PCNX2: variants seen among roughly 807,000 people sequenced by gnomAD.
The protein encoded by PCNX2 is pecanex-like protein 2.
In PCNX2, 168 loss-of-function variants were observed where a neutral mutation model predicts 223.8. The observed-to-expected ratio is 0.75, with a 90% confidence interval of 0.66 to 0.85. The LOEUF (loss-of-function observed/expected upper bound fraction) is 0.85, where lower values mean the gene tolerates loss of function less well. Ranked by LOEUF, PCNX2 falls within the 40% of genes least tolerant of loss-of-function variation. The pLI, the probability that PCNX2 is intolerant of heterozygous loss-of-function variation, is 0.00. For synonymous variants in PCNX2, 1,006 were observed against 1,052.6 expected (o/e 0.96, Z 0.86); for missense variants, 2,507 against 2,675.5 (o/e 0.94, Z 1.39).
rs1272090119 is a variant in PCNX2 at position 232,984,551 on chromosome 1, C to G, written c.6241-74G>C. ...ACCCACTTCTAACTGGCATCACCCCCATCCGTGCTGTGGGAGCTAAAGGCT... is the reference window on the plus strand; with the variant it reads ...ACCCACTTCTAACTGGCATCACCCCGATCCGTGCTGTGGGAGCTAAAGGCT... On this transcript the variant is annotated intron_variant, in intron 33 of 33. Transcript: ENST00000258229. 4.0e-6 allele frequency: 6 copies of G among 1,509,096 alleles called. No homozygotes were observed. The African/African-American group carries it at 4.2e-5, about 10-fold the overall frequency. 93.5% of individuals were successfully genotyped at this position (1,509,096 alleles called of 1,614,324 possible).
intron 21 of PCNX2, among the ~76,000 whole-genome samples, chr1:233,130,151 A>T (rs928614646): frequency 6.6e-6 from 1 of 152,144 alleles, no homozygotes; most frequent in African/African-American, 2.4e-5. Flanking sequence ...ACCCACCAGA[A>T]GGAAGAAACT....
chr1:233,132,027 C>G (rs1676534749), intron 21 of PCNX2, among the ~76,000 whole-genome samples: 1 of 151,746 alleles, frequency 6.6e-6, no homozygotes, highest in Non-Finnish European at 1.5e-5. Flanking sequence ...ACCTCTTCCT[C>G]CCAGGTTCAA....
chr1:233,106,297 T>A (rs955624710), intron 21 of PCNX2, among the ~76,000 whole-genome samples: 2 of 151,780 alleles, frequency 1.3e-5, no homozygotes, highest in African/African-American at 4.8e-5. Context: ...CTCTTCCTTG[T>A]GGAGAAGAAG....
intron 21 of PCNX2, among the ~76,000 whole-genome samples, chr1:233,134,087 C>T (rs1374616655): frequency 6.6e-6 from 1 of 152,038 alleles, no homozygotes; most frequent in Non-Finnish European, 1.5e-5. Context: ...TTTAGAAAGA[C>T]TTACAATTAA....
At chr1:233,291,053 C>G (rs1435738063) in intron 1 of PCNX2, 1 of 985,368 alleles carries the variant, frequency 1.0e-6, no homozygotes, top group South Asian at 4.7e-5. Context: ...GGTGGCTCCA[C>G]GGTTTCACAG....
At position 233,262,118 on chromosome 1, in the gene PCNX2, T is replaced by G. The variant is rs772542159; in HGVS notation, c.407A>C (p.Asn136Thr). 3 of 1,613,762 alleles carry G rather than the reference T, an allele frequency of 1.9e-6. No individual in the cohort carries two copies. The highest frequency in any genetic ancestry group is 2.5e-6 in the Non-Finnish European group (3 of 1,179,772). ...HNGKKEEASR[N>T]LSTPPLRCSS... ...GCAGCGGAGGGGAGGCGTGGAGAGG[T>G]TTCGACTGGCCTCTTCCTTTTTGCC... is the stretch of plus-strand genomic sequence containing the variant. The change falls in exon 3 of 34, where the codon AAC (asparagine) becomes ACC (threonine). Residue 136 changes from asparagine (N) to threonine (T), a missense_variant. By Grantham distance (65) the Asn-to-Thr change is moderately conservative. This residue lies in a region of PCNX2 where 1,031 missense variants were observed against 1,021.7 expected (regional missense o/e 1.01). Coordinates refer to ENST00000258229, the MANE Select transcript of PCNX2 (RefSeq NM_014801.4).
intron 26 of PCNX2, chr1:233,019,228 A>C (rs1338136283): frequency 1.0e-6 from 1 of 983,558 alleles, no homozygotes; most frequent in East Asian, 1.1e-4. Context: ...TTCATGGCTG[A>C]TGCTCTCCCT....
rs148547687 is a variant in PCNX2 at position 233,026,210 on chromosome 1, G to A, written c.4352-811C>T. 4.1e-3 allele frequency among the ~76,000 whole-genome samples: 631 copies of A among 152,310 alleles called. 4 individuals carry two copies. The Middle Eastern group carries it at 0.044, about 11-fold the overall frequency. ...ATGTCTGAGTAGAGACCTGAAGGAGGTCGGGGGGAACTCAGCGCAGATAAC... is the reference window on the plus strand; with the variant it reads ...ATGTCTGAGTAGAGACCTGAAGGAGATCGGGGGGAACTCAGCGCAGATAAC... On this transcript the variant is annotated intron_variant, in intron 25 of 33. Coordinates refer to ENST00000258229, the MANE Select transcript of PCNX2 (RefSeq NM_014801.4).
chr1:233,019,072 G>T, intron 26 of PCNX2: 1 of 985,334 alleles, frequency 1.0e-6, no homozygotes, highest in Non-Finnish European at 1.2e-6. Context: ...GTTTACTTGG[G>T]TATCTGGTTT....
At chr1:232,985,859 C>T in intron 33 of PCNX2, 1 of 614,144 alleles carries the variant, frequency 1.6e-6, no homozygotes, top group South Asian at 1.9e-5. Flanking sequence ...CCTTTCAGTG[C>T]CTGCCTGGGC....
In PCNX2 at chr1:233,055,016, T is replaced by G. The variant is rs147101610; in HGVS notation, c.4136-533A>C. ...ATATGAGTGTGTTCTGTTTCACCTT[T>G]GAGTAGTATCCCTCTGTATGCATGT... On this transcript the variant is annotated intron_variant, in intron 24 of 33. Coordinates refer to ENST00000258229, the MANE Select transcript of PCNX2 (RefSeq NM_014801.4). Among the ~76,000 whole-genome samples, 291 of 152,326 alleles carry G rather than the reference T, an allele frequency of 1.9e-3. 2 individuals are homozygous for G. The highest frequency in any genetic ancestry group is 6.5e-3 in the African/African-American group (271 of 41,570).
At chr1:233,039,122 A>G (rs1376504208) in intron 25 of PCNX2, among the ~76,000 whole-genome samples, 8 of 152,252 alleles carry the variant, frequency 5.3e-5, no homozygotes, top group Admixed American at 5.2e-4. Context: ...GTGCTACCAT[A>G]ATAGCCTTTA....
intron 10 of PCNX2, among the ~76,000 whole-genome samples, chr1:233,219,680 A>G (rs1384203903): frequency 1.3e-5 from 2 of 152,156 alleles, no homozygotes; most frequent in African/African-American, 2.4e-5. Context: ...TCACAGCAAA[A>G]CTGAGGGGAA....
At chr1:233,079,570 C>T (rs970960000) in intron 23 of PCNX2, among the ~76,000 whole-genome samples, 1 of 151,646 alleles carries the variant, frequency 6.6e-6, no homozygotes, top group Admixed American at 6.6e-5. Flanking sequence ...AGAAGGATTC[C>T]TTTGATAAAA....
intron 13 of PCNX2, among the ~76,000 whole-genome samples, chr1:233,202,440 G>A (rs1681174767): frequency 6.6e-6 from 1 of 152,136 alleles, no homozygotes; most frequent in Non-Finnish European, 1.5e-5. Flanking sequence ...TATCAAATGT[G>A]AGTGATATAA....
At chr1:233,317,344 G>A in the PCNX2 span, among the ~76,000 whole-genome samples, 1 of 152,254 alleles carries the variant, frequency 6.6e-6, no homozygotes. Flanking sequence ...AACCTGGGAG[G>A]CAAAGGTTGC....
chr1:233,080,332 C>T (rs1341397381), intron 23 of PCNX2, among the ~76,000 whole-genome samples: 10 of 151,988 alleles, frequency 6.6e-5, no homozygotes, highest in African/African-American at 1.9e-4. Context: ...TCCCCAAACA[C>T]GGTCCTGTAG....
chr1:233,042,301 T>C (rs1387934902), intron 25 of PCNX2, among the ~76,000 whole-genome samples: 1 of 152,196 alleles, frequency 6.6e-6, no homozygotes, highest in Non-Finnish European at 1.5e-5. Context: ...CCCAGCCCTT[T>C]GGATTCCCTC....
intron 1 of PCNX2, among the ~76,000 whole-genome samples, chr1:233,277,960 C>A (rs960485198): frequency 2.6e-5 from 4 of 152,140 alleles, no homozygotes; most frequent in Admixed American, 6.5e-5. Flanking sequence ...AACTTATTTT[C>A]AACATTACTG....
Sources: allele counts gnomAD v4.1 joint callset (sites outside exome capture counted in the v4.1 genomes callset), GRCh38; gene constraint gnomAD v4.1.1; regional missense constraint gnomAD v4.1.1; transcripts MANE v1.5; gene names NCBI Gene and HGNC (gene_info 2026-07-23, HGNC 2026-07-21).